Variants in GALNT14 observed in about 807,000 individuals in gnomAD.
GALNT14 encodes polypeptide N-acetylgalactosaminyltransferase 14.
In GALNT14, 60 loss-of-function variants were observed where a neutral mutation model predicts 77.5. The observed-to-expected ratio is 0.77, with a 90% CI of 0.63 to 0.96. The LOEUF is 0.96. Ranked by LOEUF, GALNT14 falls within the 40% of genes least tolerant of loss-of-function variation. GALNT14 has a pLI of 0.00. For synonymous variants in GALNT14, 280 were observed against 281.7 expected (o/e 0.99, Z 0.06); for missense variants, 710 against 731.0 (o/e 0.97, Z 0.33).
chr2:31,046,271 G>C (rs1249444996), intron 1 of GALNT14, among the ~76,000 whole-genome samples: 2 of 148,868 alleles, frequency 1.3e-5, no homozygotes, highest in Admixed American at 6.7e-5. Context: ...CTGTCGCCCA[G>C]GCTGGAGTGC....
At chr2:31,107,229 C>T (rs1677605010) in intron 1 of GALNT14, among the ~76,000 whole-genome samples, 1 of 152,166 alleles carries the variant, frequency 6.6e-6, no homozygotes, top group African/African-American at 2.4e-5. Context: ...TACGTTTCTT[C>T]AGTTTTGCTC....
chr2:31,045,682 C>G (rs531242614), intron 1 of GALNT14, among the ~76,000 whole-genome samples: 5 of 152,158 alleles, frequency 3.3e-5, no homozygotes, highest in South Asian at 2.1e-4. Context: ...AGGCTGGTCT[C>G]GAACTCCTGA....
Position 31,133,182 on chromosome 2 carries a change from T to C in GALNT14, c.129+4776A>G, listed in dbSNP as rs564847148. Among the ~76,000 whole-genome samples the C allele has an allele frequency of 2.6e-5, 4 of 152,338 alleles. No individual in the cohort carries two copies. The South Asian group carries it at 8.3e-4, about 32-fold the overall frequency. ...GTAATAATAAAACTCCAGTCTTCCA[T>C]TCAGCCACTCCGCGTGTATTAAACT... On this transcript the variant is annotated intron_variant, in intron 1 of 14. Transcript: ENST00000349752.
chr2:31,011,528 G>A (rs571433827), intron 1 of GALNT14, among the ~76,000 whole-genome samples: 1 of 152,196 alleles, frequency 6.6e-6, no homozygotes, highest in Non-Finnish European at 1.5e-5. Context: ...TAGAAGCCAT[G>A]GTCTTTTCTT....
intron 1 of GALNT14, among the ~76,000 whole-genome samples, chr2:31,063,152 G>A (rs1052860921): frequency 6.6e-6 from 1 of 152,124 alleles, no homozygotes; most frequent in Non-Finnish European, 1.5e-5. Flanking sequence ...TGTCCTGAAT[G>A]GTATTGCCTA....
chr2:30,929,557 A>G, intron 10 of GALNT14, 70 bp from the exon 11 acceptor site: 1 of 1,157,832 alleles, frequency 8.6e-7, no homozygotes, highest in Non-Finnish European at 1.3e-6. Flanking sequence ...GTGCCAGTTA[A>G]AATACACATG....
intron 1 of GALNT14, among the ~76,000 whole-genome samples, chr2:31,025,577 C>G: frequency 6.6e-6 from 1 of 152,250 alleles, no homozygotes; most frequent in East Asian, 1.9e-4. Flanking sequence ...GTCAACCAAC[C>G]AGATACAGGT....
At chr2:31,041,395 T>C (rs1238517024) in intron 1 of GALNT14, among the ~76,000 whole-genome samples, 1 of 152,210 alleles carries the variant, frequency 6.6e-6, no homozygotes, top group African/African-American at 2.4e-5. Context: ...GCTTGGGCTG[T>C]TCTTGGAAAG....
At chr2:31,117,300 T>C (rs1678158139) in intron 1 of GALNT14, among the ~76,000 whole-genome samples, 1 of 152,080 alleles carries the variant, frequency 6.6e-6, no homozygotes. Context: ...ATTAAAAATA[T>C]AAATAGTCTA....
chr2:31,045,186 T>C (rs1453441193), intron 1 of GALNT14, among the ~76,000 whole-genome samples: 1 of 152,116 alleles, frequency 6.6e-6, no homozygotes, highest in Non-Finnish European at 1.5e-5. Context: ...TTCAGGAAGA[T>C]GAGAAAACTG....
intron 1 of GALNT14, among the ~76,000 whole-genome samples, chr2:31,017,419 T>C (rs1299608540): frequency 6.6e-6 from 1 of 152,236 alleles, no homozygotes; most frequent in Non-Finnish European, 1.5e-5. Flanking sequence ...AAATAATACA[T>C]ATAACAGAGT....
At chr2:31,126,994 A>C (rs1456473307) in intron 1 of GALNT14, 1 of 152,216 alleles carries the variant, frequency 6.6e-6, no homozygotes, top group African/African-American at 2.4e-5. Flanking sequence ...ACCCTAAATG[A>C]GGTGCTAAAA....
the GALNT14 span, among the ~76,000 whole-genome samples, chr2:30,897,654 C>A: frequency 6.6e-6 from 1 of 152,162 alleles, no homozygotes; most frequent in Non-Finnish European, 1.5e-5. Context: ...TCTTCGGCAA[C>A]GCACACACAC....
chr2:31,022,477 C>T (rs1200433952), intron 1 of GALNT14, among the ~76,000 whole-genome samples: 2 of 152,046 alleles, frequency 1.3e-5, no homozygotes, highest in Non-Finnish European at 1.5e-5. Flanking sequence ...CCTTTTTTTC[C>T]CCCAACACTC....
In GALNT14 at chr2:31,134,396, C is replaced by G. The variant is rs370124364; in HGVS notation, c.129+3562G>C. ...GCTTCAGCATGTCCAAGGCAAAGAG[C>G]TGTCCCCATGATTACACGCTAGGAA... On this transcript the variant is annotated intron_variant, in intron 1 of 14. Transcript: ENST00000349752. 1.3e-3 allele frequency among the ~76,000 whole-genome samples: 199 copies of G among 152,352 alleles called. 7 individuals are homozygous for G. In the South Asian group the frequency reaches 0.04, roughly 30 times the overall value.
chr2:30,955,837 A>G, intron 5 of GALNT14, 75 bp downstream of exon 5: 1 of 1,607,190 alleles, frequency 6.2e-7, no homozygotes, highest in East Asian at 2.2e-5. Context: ...TGATCACCCC[A>G]ACACACACAC....
chr2:30,899,935 A>G, the GALNT14 span, among the ~76,000 whole-genome samples: 9,268 of 152,276 alleles, frequency 0.061, 382 homozygotes, highest in South Asian at 0.14. Context: ...GGCTTTTCAT[A>G]TAACCCACAA....
chr2:30,953,145 G>A (rs1402553591), intron 6 of GALNT14, among the ~76,000 whole-genome samples: 2 of 152,122 alleles, frequency 1.3e-5, no homozygotes, highest in Admixed American at 6.5e-5. Flanking sequence ...AATGGCAGCA[G>A]GACGACATAG....
intron 1 of GALNT14, among the ~76,000 whole-genome samples, chr2:31,057,683 G>A (rs1674321179): frequency 6.6e-6 from 1 of 152,096 alleles, no homozygotes; most frequent in Non-Finnish European, 1.5e-5. Flanking sequence ...ACTCAGCTTA[G>A]TGAGATGGCA....
Sources: allele counts gnomAD v4.1 joint callset (sites outside exome capture counted in the v4.1 genomes callset), GRCh38; gene constraint gnomAD v4.1.1; transcripts MANE v1.5; gene names NCBI Gene and HGNC (gene_info 2026-07-23, HGNC 2026-07-21).